Variants in CIP2A observed in about 807,000 individuals in gnomAD.
CIP2A encodes cellular inhibitor of PP2A, also known as protein CIP2A.
CIP2A carries 103 observed loss-of-function variants against 110.9 expected under a neutral mutation model. The ratio of observed to expected loss-of-function variants is 0.93; its 90% CI spans 0.79 to 1.09. The LOEUF is 1.09. Ranked by LOEUF, CIP2A falls within the 50% of genes least tolerant of loss-of-function variation. The probability of loss-of-function intolerance (pLI) is 0.00; values close to 1 mark genes in which losing one functional copy is unlikely to be tolerated. For synonymous variants in CIP2A, 381 were observed against 361.6 expected (o/e 1.05, Z -0.61); for missense variants, 1,088 against 1,038.4 (o/e 1.05, Z -0.66).
At chr3:108,581,027 T>C (rs1938856510) in intron 5 of CIP2A, among the ~76,000 whole-genome samples, 1 of 152,228 alleles carries the variant, frequency 6.6e-6, no homozygotes, top group South Asian at 2.1e-4. Context: ...CATGAATCTT[T>C]CTGGTGGGGT....
At chr3:108,583,684 T>A (rs1396317288) in intron 2 of CIP2A, among the ~76,000 whole-genome samples, 1 of 152,152 alleles carries the variant, frequency 6.6e-6, no homozygotes, top group Non-Finnish European at 1.5e-5. Context: ...CACAATCAGA[T>A]GGAATAAGTT....
chr3:108,564,000 TA>T (rs1483951728), intron 12 of CIP2A, among the ~76,000 whole-genome samples: 1 of 151,984 alleles, frequency 6.6e-6, no homozygotes, highest in African/African-American at 2.4e-5. Flanking sequence ...AAAAACATCT[TA>T]AATAATGGAC....
At chr3:108,581,668 G>A (rs1340360567) in intron 4 of CIP2A, among the ~76,000 whole-genome samples, 157 bp from the exon 5 acceptor site, 1 of 151,800 alleles carries the variant, frequency 6.6e-6, no homozygotes, top group Non-Finnish European at 1.5e-5. Context: ...AGCCAGGGAA[G>A]CTTTGAATAG....
chr3:108,567,135 A>G (rs1938215936), intron 10 of CIP2A, among the ~76,000 whole-genome samples: 1 of 151,844 alleles, frequency 6.6e-6, no homozygotes, highest in African/African-American at 2.4e-5. Flanking sequence ...AGTTTAAACA[A>G]TCACAAACAA....
chr3:108,551,088 CT>C lies in CIP2A; in HGVS notation c.*60del, dbSNP rs563132809. ...AAATTAACTCCCCTACCCACCCCCCCTCCAATAGATAAATACATCAAAAATA... is the reference window on the plus strand; with the variant it reads ...AAATTAACTCCCCTACCCACCCCCCCCCAATAGATAAATACATCAAAAATA... On this transcript the variant is annotated 3_prime_UTR_variant, in exon 21 of 21. Coordinates refer to ENST00000295746, the MANE Select transcript of CIP2A (RefSeq NM_020890.3). 3.1e-4 allele frequency: 209 copies of C among 679,626 alleles called. 1 individual carries two copies. In the African/African-American group the frequency reaches 3.2e-3, roughly 10 times the overall value. The allele number at this position is 679,626 out of a possible 1,614,324, so 42.1% of individuals were successfully genotyped here. A position where few individuals can be genotyped will look rare whatever the true frequency, so the allele number is the denominator to read the frequency against.
At chr3:108,560,132 A>G in intron 14 of CIP2A, 104 bp from the exon 15 acceptor site, 1 of 658,512 alleles carries the variant, frequency 1.5e-6, no homozygotes. Context: ...CTTAATGATG[A>G]GTAACAAAAT....
intron 5 of CIP2A, 116 bp from the exon 6 acceptor site, chr3:108,579,804 T>G (rs556220250): frequency 3.4e-4 from 162 of 476,968 alleles, no homozygotes; most frequent in African/African-American, 3.1e-3. Context: ...TCAACTCTAT[T>G]AAATGATTGT....
chr3:108,569,681 C>G, intron 8 of CIP2A, 74 bp from the exon 9 acceptor site: 1 of 1,060,962 alleles, frequency 9.4e-7, no homozygotes, highest in Non-Finnish European at 1.4e-6. Context: ...TATGATGAAG[C>G]TGAAAATGCT....
At chr3:108,558,709 A>C (rs1937895809) in intron 16 of CIP2A, among the ~76,000 whole-genome samples, 2 of 152,158 alleles carry the variant, frequency 1.3e-5, no homozygotes. Flanking sequence ...ATTTTAACTG[A>C]AATCTGAAGG....
chr3:108,586,935 T>C (rs1261689968), intron 1 of CIP2A, among the ~76,000 whole-genome samples: 2 of 152,200 alleles, frequency 1.3e-5, no homozygotes, highest in African/African-American at 4.8e-5. Flanking sequence ...CCATCTCTCT[T>C]TGCATACTCA....
chr3:108,581,403 T>C lies in CIP2A; in HGVS notation c.549+12A>G. Reference sequence around the variant, plus strand: ...TAAAACAAGAAACATTAAAAAGAAATAAACTTCTTACCAATGTCTTTATGT... The same window carrying C: ...TAAAACAAGAAACATTAAAAAGAAACAAACTTCTTACCAATGTCTTTATGT... On this transcript the variant is annotated intron_variant, in intron 5 of 20. Coordinates refer to ENST00000295746, the MANE Select transcript of CIP2A (RefSeq NM_020890.3). 6.4e-7 allele frequency: 1 copy of C among 1,567,602 alleles called. No individual in the cohort carries two copies.
At chr3:108,574,062 A>C (rs1262232493) in intron 8 of CIP2A, among the ~76,000 whole-genome samples, 2 of 152,162 alleles carry the variant, frequency 1.3e-5, no homozygotes, top group East Asian at 1.9e-4. Flanking sequence ...CTATGTTAAA[A>C]TCAAGGCACC....
rs753460163 is a variant in CIP2A at position 108,566,643 on chromosome 3, AGTTTT to A, written c.1274-10_1274-6del. The A allele has an allele frequency of 6.4e-7, 1 of 1,560,078 alleles. No homozygotes were observed. The highest frequency in any genetic ancestry group is 2.4e-5 in the East Asian group (1 of 42,456). The stretch of plus-strand genomic sequence containing the variant: ...GTGTATCATCTCCACAGAGAGGTTA[AGTTTT>A]GTTAAGATATACAACAAAAAAATTC... On this transcript the variant is annotated splice_region_variant and splice_polypyrimidine_tract_variant and intron_variant, in intron 10 of 20. Transcript: ENST00000295746.
chr3:108,580,635 GTTT>G (rs201061434), intron 5 of CIP2A, among the ~76,000 whole-genome samples: 1 of 145,526 alleles, frequency 6.9e-6, no homozygotes, highest in Non-Finnish European at 1.5e-5. Flanking sequence ...AATATACTTT[GTTT>G]TTTTTTTTAA....
At chr3:108,553,915 A>C (rs1211645676) in intron 18 of CIP2A, among the ~76,000 whole-genome samples, 185 bp from the exon 19 acceptor site, 2 of 135,582 alleles carry the variant, frequency 1.5e-5, no homozygotes, top group African/African-American at 2.7e-5. Flanking sequence ...AAAAAAAAAA[A>C]AAAAGGTCTC....
At chr3:108,576,406 GATTT>G in intron 7 of CIP2A, 60 bp from the exon 8 acceptor site, 1 of 865,262 alleles carries the variant, frequency 1.2e-6, no homozygotes. Flanking sequence ...CATCAAAAGG[GATTT>G]ATCTACAAGA....
Position 108,581,523 on chromosome 3 carries a change from C to T in CIP2A, c.453-12G>A, listed in dbSNP as rs2107366327. The T allele has an allele frequency of 1.3e-6, 2 of 1,530,274 alleles. No homozygotes were observed. Among genetic ancestry groups the T allele is most frequent in the Middle Eastern group, 1.7e-4 (1 of 5,868 alleles). 94.8% of individuals were successfully genotyped at this position (1,530,274 alleles called of 1,614,324 possible). A position where few individuals can be genotyped will look rare whatever the true frequency, so the allele number is the denominator to read the frequency against. The stretch of plus-strand genomic sequence containing the variant: ...CTTCAGAAGATTGACTGTTGTTTTA[C>T]ATTGGTGTTTTGTTTAAAGAAAAAA... On this transcript the variant is annotated splice_polypyrimidine_tract_variant and intron_variant, in intron 4 of 20. Transcript: ENST00000295746.
In CIP2A at chr3:108,589,314, T is replaced by C; in HGVS notation, c.62A>G (p.Lys21Arg). The C allele has an allele frequency of 6.2e-7, 1 of 1,614,118 alleles. No homozygotes were observed. The highest frequency in any genetic ancestry group is 8.5e-7 in the Non-Finnish European group (1 of 1,179,984). The change falls in exon 1 of 21, where the codon AAG becomes AGG. Residue 21 changes from lysine to arginine, a missense_variant. By Grantham distance (26) the Lys-to-Arg change is conservative. Coordinates refer to ENST00000295746, the MANE Select transcript of CIP2A (RefSeq NM_020890.3). ...LLTVSQYKAVKSEANATQLLR... is the reference protein window; with the variant it reads ...LLTVSQYKAVRSEANATQLLR... ...AAGCTGAGTGGCGTTCGCCTCTGACTTCACGGCTTTGTACTGACTGACAGT... is the reference window on the plus strand; with the variant it reads ...AAGCTGAGTGGCGTTCGCCTCTGACCTCACGGCTTTGTACTGACTGACAGT...
chr3:108,565,733 AAC>A (rs1347137835), intron 11 of CIP2A, among the ~76,000 whole-genome samples: 2 of 151,764 alleles, frequency 1.3e-5, no homozygotes, highest in African/African-American at 4.8e-5. Flanking sequence ...GTAGTTTCGA[AAC>A]ACAGTTCATT....
Sources: allele counts gnomAD v4.1 joint callset (sites outside exome capture counted in the v4.1 genomes callset), GRCh38; gene constraint gnomAD v4.1.1; transcripts MANE v1.5; gene names NCBI Gene and HGNC (gene_info 2026-07-23, HGNC 2026-07-21).